Variants in DOCK4 observed in about 807,000 individuals in gnomAD.
The protein encoded by DOCK4 is dedicator of cytokinesis 4.
Under a neutral mutation model 268.1 loss-of-function variants are expected in DOCK4, and 97 were observed. That is an observed-to-expected ratio of 0.36 (90% CI 0.31 to 0.43). The LOEUF is 0.43. Ranked by LOEUF, DOCK4 falls within the 20% of genes least tolerant of loss-of-function variation. DOCK4 has a pLI of 1.00. For missense variants in DOCK4, 2,145 were observed against 2,455.7 expected, an observed-to-expected ratio of 0.87 and a Z score of 2.67; for synonymous variants, 954 against 887.2, an observed-to-expected ratio of 1.08 and a Z score of -1.34.
At chr7:112,154,527 A>G (rs1049210385) in intron 1 of DOCK4, among the ~76,000 whole-genome samples, 1 of 152,168 alleles carries the variant, frequency 6.6e-6, no homozygotes, top group African/African-American at 2.4e-5. Flanking sequence ...ACGCTTAACA[A>G]GTATTAGACA....
intron 39 of DOCK4, among the ~76,000 whole-genome samples, chr7:111,761,758 G>A (rs1048409043): frequency 6.6e-6 from 1 of 152,030 alleles, no homozygotes; most frequent in Non-Finnish European, 1.5e-5. Context: ...AACCTACCTC[G>A]GTTCCCCACA....
chr7:112,004,272 T>A, intron 1 of DOCK4, 141 bp from the exon 2 acceptor site: 1 of 619,862 alleles, frequency 1.6e-6, no homozygotes, highest in South Asian at 2.2e-5. Flanking sequence ...TAATTTTATA[T>A]CTTTCTAAGA....
rs546794138 is a variant in DOCK4, at chr7:111,824,977, A to G, written c.2836-2521T>C. Among the ~76,000 whole-genome samples, 6 of 152,312 alleles carry G rather than the reference A, an allele frequency of 3.9e-5. No homozygotes were observed. In the South Asian group the frequency reaches 1.2e-3, roughly 32 times the overall value. The stretch of plus-strand genomic sequence containing the variant: ...CAACAGTAGAAACCTTATAAGAAAA[A>G]TAAAAGAGCACAATAATGAGGATCA... On this transcript the variant is annotated intron_variant, in intron 26 of 52. Coordinates refer to ENST00000428084, the MANE Select transcript of DOCK4 (RefSeq NM_001363540.2).
chr7:111,781,026 G>A (rs550680966), intron 35 of DOCK4, among the ~76,000 whole-genome samples: 4 of 152,260 alleles, frequency 2.6e-5, no homozygotes, highest in African/African-American at 9.6e-5. Context: ...TATTCCTACT[G>A]GGAGACTAGA....
chr7:111,944,278 T>G (rs1401008991), intron 10 of DOCK4, among the ~76,000 whole-genome samples: 1 of 152,198 alleles, frequency 6.6e-6, no homozygotes, highest in Non-Finnish European at 1.5e-5. Flanking sequence ...GGCATATTTA[T>G]TTTTCCCTTT....
chr7:112,206,051 C>A (rs1457595378), intron 1 of DOCK4, 51 bp downstream of exon 1: 24 of 1,547,400 alleles, frequency 1.6e-5, no homozygotes, highest in Middle Eastern at 3.3e-4. Context: ...ACGAGAAATG[C>A]GCACTCGCTC....
intron 8 of DOCK4, 140 bp from the exon 9 acceptor site, chr7:111,945,938 G>A (rs1795585440): frequency 1.6e-6 from 1 of 643,582 alleles, no homozygotes; most frequent in African/African-American, 1.8e-5. Context: ...TATAAATTAG[G>A]AGAGCTCCGA....
chr7:111,801,498 C>T (rs1800280029), intron 30 of DOCK4, among the ~76,000 whole-genome samples: 1 of 152,154 alleles, frequency 6.6e-6, no homozygotes, highest in Non-Finnish European at 1.5e-5. Context: ...AGAGCCATGT[C>T]ATCACTATCT....
intron 1 of DOCK4, among the ~76,000 whole-genome samples, chr7:112,191,045 T>C (rs543452941): frequency 6.6e-6 from 1 of 152,300 alleles, no homozygotes; most frequent in South Asian, 2.1e-4. Flanking sequence ...GCCCCCTACC[T>C]TCTAGGCATC....
chr7:112,087,396 A>G (rs928623573), intron 1 of DOCK4, among the ~76,000 whole-genome samples: 1 of 152,112 alleles, frequency 6.6e-6, no homozygotes, highest in Non-Finnish European at 1.5e-5. Flanking sequence ...TTCTGTTTTG[A>G]AAGACACGTA....
At chr7:112,092,026 C>T (rs565190654) in intron 1 of DOCK4, among the ~76,000 whole-genome samples, 27 of 152,282 alleles carry the variant, frequency 1.8e-4, no homozygotes, top group African/African-American at 6.3e-4. Flanking sequence ...GTGAGCACTT[C>T]GTAAGCAACC....
At chr7:111,911,547 T>C (rs1792102161) in intron 13 of DOCK4, among the ~76,000 whole-genome samples, 1 of 152,084 alleles carries the variant, frequency 6.6e-6, no homozygotes, top group South Asian at 2.1e-4. Context: ...CAGACACATG[T>C]CTGAAAGAAC....
In DOCK4 at chr7:111,746,386, T is replaced by C; in HGVS notation, c.4625A>G (p.His1542Arg). 1 of 1,612,368 alleles carries C rather than the reference T, an allele frequency of 6.2e-7. No homozygotes were observed. The highest frequency in any genetic ancestry group is 8.5e-7 in the Non-Finnish European group (1 of 1,179,164). The change falls in exon 44 of 53, where the codon CAC becomes CGC. Residue 1542 changes from histidine to arginine, a missense_variant. Physicochemically the swap from His to Arg is conservative, Grantham distance 29 (BLOSUM62 0). Coordinates refer to ENST00000428084, the MANE Select transcript of DOCK4 (RefSeq NM_001363540.2). The part of the protein sequence containing the change: ...AFFVKEYILS[H>R]PEDGEKIARL... ...TGCAATTTTCTCCCCATCTTCAGGGTGACTTAAGATATATTCTTTGACAAA... is the reference window on the plus strand; with the variant it reads ...TGCAATTTTCTCCCCATCTTCAGGGCGACTTAAGATATATTCTTTGACAAA...
chr7:111,950,702 T>G (rs1795987138), intron 8 of DOCK4, among the ~76,000 whole-genome samples: 1 of 152,192 alleles, frequency 6.6e-6, no homozygotes, highest in African/African-American at 2.4e-5. Context: ...TATGAAACTC[T>G]GCAAAAAGAT....
chr7:111,760,776 GTGTGTGTA>G (rs1797347931), intron 39 of DOCK4, among the ~76,000 whole-genome samples: 2 of 132,670 alleles, frequency 1.5e-5, no homozygotes, highest in Admixed American at 7.5e-5. Flanking sequence ...GTGTGTGTGT[GTGTGTGTA>G]TTCTGCCGTT....
rs1195600998 is a variant in DOCK4, at chr7:111,726,934, T to C, written c.*1340A>G. Reference sequence around the variant, plus strand: ...AAAAAAGTGGTCACTGCCTTCCAGGTAAGCTACCAACAAAACAAACATGGT... The same window carrying C: ...AAAAAAGTGGTCACTGCCTTCCAGGCAAGCTACCAACAAAACAAACATGGT... On this transcript the variant is annotated 3_prime_UTR_variant, in exon 53 of 53. Transcript: ENST00000428084. The C allele has an allele frequency of 6.6e-6, 1 of 152,566 alleles. No homozygotes were observed. Among genetic ancestry groups the C allele is most frequent in the African/African-American group, 2.4e-5 (1 of 41,440 alleles). The allele number at this position is 152,566 out of a possible 1,614,324, so 9.5% of individuals were successfully genotyped here.
At chr7:111,867,783 G>C (rs1305507290) in intron 22 of DOCK4, among the ~76,000 whole-genome samples, 2 of 152,178 alleles carry the variant, frequency 1.3e-5, no homozygotes, top group East Asian at 3.9e-4. Flanking sequence ...AGAGAGAAGG[G>C]AAAGGCAACC....
chr7:111,989,159 T>C lies in DOCK4; in HGVS notation c.320A>G (p.Asn107Ser). The C allele has an allele frequency of 6.2e-7, 1 of 1,613,904 alleles. No individual in the cohort carries two copies. Among genetic ancestry groups the C allele is most frequent in the South Asian group, 1.1e-5 (1 of 91,072 alleles). The change falls in exon 6 of 53, where the codon AAT becomes AGT. Residue 107 changes from asparagine to serine, a missense_variant. Transcript: ENST00000428084. ...CAGCCGGTGGAAGAGATCGCCTTCA[T>C]TACGCTAAGAAATATACAAATGTGG... is the stretch of plus-strand genomic sequence containing the variant. ...GTMWKQLYVR[N>S]EGDLFHRLWH...
chr7:112,043,899 A>G (rs1448949972), intron 1 of DOCK4, among the ~76,000 whole-genome samples: 1 of 151,990 alleles, frequency 6.6e-6, no homozygotes, highest in African/African-American at 2.4e-5. Flanking sequence ...AAGTTTAAAG[A>G]AAAGACTTTC....
Sources: gnomAD v4.1 joint callset for allele counts (sites outside exome capture counted in the v4.1 genomes callset) on GRCh38, gnomAD v4.1.1 for gene constraint, MANE v1.5 for transcripts, NCBI Gene and HGNC (gene_info 2026-07-23, HGNC 2026-07-21) for gene names.